The following CAMSAP1 variants were observed in gnomAD, a reference collection of about 807,000 sequenced individuals.
CAMSAP1 encodes the protein calmodulin regulated spectrin associated protein 1, also known as calmodulin-regulated spectrin-associated protein 1.
Under a neutral mutation model 143.5 loss-of-function variants are expected in CAMSAP1, and 58 were observed. That is an observed-to-expected ratio of 0.40 (90% CI 0.33 to 0.50). The LOEUF (loss-of-function observed/expected upper bound fraction) is 0.50. Ranked by LOEUF, CAMSAP1 falls within the 20% of genes least tolerant of loss-of-function variation. The pLI, the probability that CAMSAP1 is intolerant of heterozygous loss-of-function variation, is 0.45. For missense variants in CAMSAP1, 1,969 were observed against 2,115.7 expected (o/e 0.93, Z 1.36); for synonymous variants, 945 against 859.3 (o/e 1.10, Z -1.74).
At chr9:135,897,822 A>C (rs780760316) in intron 1 of CAMSAP1, among the ~76,000 whole-genome samples, 16 of 152,178 alleles carry the variant, frequency 1.1e-4, no homozygotes, top group Non-Finnish European at 2.2e-4. Context: ...ATTATTTCTA[A>C]ATTTTCCATG....
intron 3 of CAMSAP1, among the ~76,000 whole-genome samples, chr9:135,873,948 A>G (rs1837649434): frequency 6.6e-6 from 1 of 152,192 alleles, no homozygotes; most frequent in South Asian, 2.1e-4. Context: ...ATCTGCCGAG[A>G]GCATTGACAC....
chr9:135,871,920 T>C (rs1837582738), intron 3 of CAMSAP1, among the ~76,000 whole-genome samples: 1 of 152,068 alleles, frequency 6.6e-6, no homozygotes, highest in East Asian at 1.9e-4. Flanking sequence ...CTAAGCAACA[T>C]GGAGAAACCC....
chr9:135,859,247 G>GT (rs1837085632), intron 5 of CAMSAP1, among the ~76,000 whole-genome samples: 1 of 152,224 alleles, frequency 6.6e-6, no homozygotes, highest in Non-Finnish European at 1.5e-5. Context: ...TTTACTGTCT[G>GT]TAAGTGAGCA....
chr9:135,851,025 T>C (rs12335947), intron 5 of CAMSAP1, among the ~76,000 whole-genome samples: 2,316 of 152,296 alleles, frequency 0.015, 54 homozygotes, highest in African/African-American at 0.052. Flanking sequence ...GCAGGGCAAC[T>C]TTCCATTGCA....
chr9:135,893,247 GAGA>G (rs1276058215), intron 1 of CAMSAP1, among the ~76,000 whole-genome samples: 3 of 148,560 alleles, frequency 2.0e-5, no homozygotes, highest in Non-Finnish European at 3.0e-5. Flanking sequence ...GAAGAGAGAC[GAGA>G]AGGAGAGAGA....
chr9:135,834,575 AC>A (rs774022895), intron 7 of CAMSAP1, among the ~76,000 whole-genome samples: 2 of 152,218 alleles, frequency 1.3e-5, no homozygotes, highest in Non-Finnish European at 2.9e-5. Flanking sequence ...GCTTGATCAC[AC>A]TTGTATGTGG....
rs914227890 is a variant in CAMSAP1 at position 135,810,910 on chromosome 9, G to A, written c.*399C>T. The A allele has an allele frequency of 1.4e-5, 3 of 220,086 alleles. No homozygotes were observed. Among genetic ancestry groups the A allele is most frequent in the Non-Finnish European group, 2.7e-5 (3 of 109,728 alleles). 13.6% of individuals were successfully genotyped at this position (220,086 alleles called of 1,614,324 possible). A position where few individuals can be genotyped will look rare whatever the true frequency, so the allele number is the denominator to read the frequency against. On this transcript the variant is annotated 3_prime_UTR_variant, in exon 17 of 17. Coordinates refer to ENST00000389532, the MANE Select transcript of CAMSAP1 (RefSeq NM_015447.4). Reference sequence around the variant, plus strand: ...GAGGGTGTCAGGCAATGTGCAAGGGGGCGAGGTGAGAAGCAAGAAAGCAAA... The same window carrying A: ...GAGGGTGTCAGGCAATGTGCAAGGGAGCGAGGTGAGAAGCAAGAAAGCAAA...
At position 135,827,400 on chromosome 9, in the gene CAMSAP1, G is replaced by T; in HGVS notation, c.1223+7C>A. The T allele has an allele frequency of 6.6e-7, 1 of 1,519,218 alleles. No individual in the cohort carries two copies. Among genetic ancestry groups the T allele is most frequent in the Non-Finnish European group, 8.9e-7 (1 of 1,122,734 alleles). 94.1% of individuals were successfully genotyped at this position (1,519,218 alleles called of 1,614,324 possible). ...AACTGATTCTGAAAGCAGAAAGACA[G>T]ACTTACAGGTATTCAGGTTCTTCCG... is the stretch of plus-strand genomic sequence containing the variant. On this transcript the variant is annotated splice_region_variant and intron_variant, in intron 8 of 16. Transcript: ENST00000389532.
intron 1 of CAMSAP1, among the ~76,000 whole-genome samples, chr9:135,897,005 C>T (rs1028544441): frequency 1.1e-4 from 16 of 152,284 alleles, no homozygotes; most frequent in African/African-American, 3.4e-4. Context: ...ACTTCTTAGC[C>T]TCCAGAACCA....
chr9:135,847,468 C>A (rs1032979312), intron 7 of CAMSAP1, among the ~76,000 whole-genome samples: 5 of 151,834 alleles, frequency 3.3e-5, no homozygotes, highest in Non-Finnish European at 7.4e-5. Flanking sequence ...AACCTAAATG[C>A]CCATCTGGAT....
chr9:135,833,663 A>C (rs1835925707), intron 7 of CAMSAP1, among the ~76,000 whole-genome samples: 1 of 151,912 alleles, frequency 6.6e-6, no homozygotes, highest in African/African-American at 2.4e-5. Context: ...AAATCAACTC[A>C]AAATGGACTG....
chr9:135,841,411 C>T (rs1484509766), intron 7 of CAMSAP1, among the ~76,000 whole-genome samples: 1 of 152,322 alleles, frequency 6.6e-6, no homozygotes, highest in East Asian at 1.9e-4. Flanking sequence ...GAAGGGGTGG[C>T]TATGGGCATA....
At chr9:135,812,203 AC>A (rs1421524157) in intron 16 of CAMSAP1, among the ~76,000 whole-genome samples, 1 of 152,170 alleles carries the variant, frequency 6.6e-6, no homozygotes, top group Non-Finnish European at 1.5e-5. Flanking sequence ...TATCACATGT[AC>A]CCCCAAAAGC....
chr9:135,875,599 T>C (rs751315700), intron 3 of CAMSAP1, among the ~76,000 whole-genome samples: 4 of 152,178 alleles, frequency 2.6e-5, no homozygotes, highest in Non-Finnish European at 5.9e-5. Context: ...GACACAAAGA[T>C]CGGTGGAACC....
chr9:135,823,069 C>T lies in CAMSAP1; in HGVS notation c.1592G>A (p.Ser531Asn). Residue 531 changes from serine (S) to asparagine (N), a missense_variant, in exon 11 of 17, where the codon AGC becomes AAC. Around this residue, in one of 4 missense-constraint regions of CAMSAP1, gnomAD observed 1,390 missense variants for 1,420.8 expected, o/e 0.98. Coordinates refer to ENST00000389532, the MANE Select transcript of CAMSAP1 (RefSeq NM_015447.4). ...ATKSHGKSLLSNVSIEDEEEE... is the reference protein window; with the variant it reads ...ATKSHGKSLLNNVSIEDEEEE... ...TTCCTCATCCTCAATACTGACATTG[C>T]TCAGGAGGCTCTTCCCGTGGCTCTT... 6.2e-7 allele frequency: 1 copy of T among 1,614,018 alleles called. No homozygotes were observed. Among genetic ancestry groups the T allele is most frequent in the Non-Finnish European group, 8.5e-7 (1 of 1,179,898 alleles).
chr9:135,872,403 G>T (rs60239819), intron 3 of CAMSAP1, among the ~76,000 whole-genome samples: 1 of 151,632 alleles, frequency 6.6e-6, no homozygotes, highest in East Asian at 1.9e-4. Flanking sequence ...AAGCAACCCC[G>T]ACAAAATACA....
Position 135,824,102 on chromosome 9 carries a change from G to T in CAMSAP1, c.1316-68C>A. ...CTATCACTTGAAATTCTTTCAATAT[G>T]ACCATTTGTCCAGAAAAATGCCTCT... On this transcript the variant is annotated intron_variant, in intron 9 of 16. Coordinates refer to ENST00000389532, the MANE Select transcript of CAMSAP1 (RefSeq NM_015447.4). This position sits in a 1 kb window ranked among gnomAD's most constrained non-coding sequence, Gnocchi z 4.1. The T allele has an allele frequency of 2.9e-6, 4 of 1,391,648 alleles. No individual in the cohort carries two copies. In the South Asian group the frequency reaches 3.7e-5, roughly 13 times the overall value. The allele number at this position is 1,391,648 out of a possible 1,614,324, so 86.2% of individuals were successfully genotyped here.
At chr9:135,880,592 C>G (rs1027857181) in intron 3 of CAMSAP1, among the ~76,000 whole-genome samples, 6 of 152,206 alleles carry the variant, frequency 3.9e-5, no homozygotes, top group Non-Finnish European at 8.8e-5. Context: ...CAACTCCTGA[C>G]AAAGACCCGC....
At chr9:135,896,135 CAT>C (rs1464909222) in intron 1 of CAMSAP1, among the ~76,000 whole-genome samples, 3 of 152,100 alleles carry the variant, frequency 2.0e-5, no homozygotes, top group African/African-American at 7.2e-5. Flanking sequence ...GATTAAAAAA[CAT>C]AACATCATTA....
Sources: gnomAD v4.1 joint callset for allele counts (sites outside exome capture counted in the v4.1 genomes callset) on GRCh38, gnomAD v4.1.1 for gene constraint, gnomAD v4.1.1 regional missense constraint, Gnocchi (gnomAD v3.1) non-coding constraint, MANE v1.5 for transcripts, NCBI Gene and HGNC (gene_info 2026-07-23, HGNC 2026-07-21) for gene names.